Variants in NOP58 observed in about 807,000 individuals in gnomAD.
The protein encoded by NOP58 is nucleolar protein 58.
In NOP58, 44 loss-of-function variants were observed where a neutral mutation model predicts 71.2. That is an observed-to-expected ratio of 0.62 (90% CI 0.49 to 0.79). The LOEUF (loss-of-function observed/expected upper bound fraction) is 0.79, where lower values mean the gene tolerates loss of function less well. NOP58 is among the 30% of genes least tolerant of loss of function. The pLI is 0.00. For missense variants in NOP58, 538 were observed against 620.2 expected (o/e 0.87, Z 1.41); for synonymous variants, 228 against 200.3 (o/e 1.14, Z -1.17).
chr2:202,276,279 G>T (rs1362394034), intron 2 of NOP58, among the ~76,000 whole-genome samples: 2 of 151,354 alleles, frequency 1.3e-5, no homozygotes, highest in Non-Finnish European at 2.9e-5. Flanking sequence ...GGCGGAAGTT[G>T]CAGTGAGCCG....
chr2:202,297,173 T>A (rs1689007903), intron 10 of NOP58, among the ~76,000 whole-genome samples: 1 of 152,210 alleles, frequency 6.6e-6, no homozygotes, highest in Admixed American at 6.5e-5. Context: ...AGCTAATATT[T>A]GACATGAATT....
chr2:202,302,953 G>A lies in NOP58; in HGVS notation c.1435G>A (p.Glu479Lys). 1 of 1,607,350 alleles carries A rather than the reference G, an allele frequency of 6.2e-7. No homozygotes were observed. Among genetic ancestry groups the A allele is most frequent in the Non-Finnish European group, 8.5e-7 (1 of 1,178,872 alleles). The change falls in exon 14 of 15, where the codon GAA becomes AAA. Residue 479 changes from glutamate to lysine, a missense_variant. Coordinates refer to ENST00000264279, the MANE Select transcript of NOP58 (RefSeq NM_015934.5). ...EEEEEEKVAEEEETSVKKKKK... is the reference protein window; with the variant it reads ...EEEEEEKVAEKEETSVKKKKK... Reference sequence around the variant, plus strand: ...AGAGGAAGAAGAAAAAGTGGCAGAAGAAGAAGAAACATCTGTGAAGAAGAA... The same window carrying A: ...AGAGGAAGAAGAAAAAGTGGCAGAAAAAGAAGAAACATCTGTGAAGAAGAA...
At chr2:202,274,249 G>C (rs1396885313) in intron 1 of NOP58, among the ~76,000 whole-genome samples, 2 of 151,898 alleles carry the variant, frequency 1.3e-5, no homozygotes, top group Non-Finnish European at 2.9e-5. Context: ...TTTTGAGATG[G>C]AGTTTTTTGC....
intron 1 of NOP58, among the ~76,000 whole-genome samples, chr2:202,272,075 G>T (rs528149235): frequency 6.6e-6 from 1 of 151,648 alleles, no homozygotes; most frequent in South Asian, 2.1e-4. Flanking sequence ...TTCAGTAAGA[G>T]AAACACAATG....
In NOP58 at chr2:202,303,470, A is replaced by G. The variant is rs1384019520; in HGVS notation, c.*34A>G. 6.3e-7 allele frequency: 1 copy of G among 1,589,990 alleles called. No individual in the cohort carries two copies. Among genetic ancestry groups the G allele is most frequent in the African/African-American group, 1.3e-5 (1 of 74,410 alleles). ...AATTACGATTATATCACCCGGACAC[A>G]CATCATGCTTAAGATTCAACTGGGA... On this transcript the variant is annotated 3_prime_UTR_variant, in exon 15 of 15. Coordinates refer to ENST00000264279, the MANE Select transcript of NOP58 (RefSeq NM_015934.5).
chr2:202,289,482 A>G (rs1324993993), intron 6 of NOP58, among the ~76,000 whole-genome samples: 4 of 152,230 alleles, frequency 2.6e-5, no homozygotes, highest in Non-Finnish European at 5.9e-5. Flanking sequence ...TATATAAGGT[A>G]TATGTGAAAT....
rs927862976 is a variant in NOP58, at chr2:202,302,911, C to T, written c.1403-10C>T. On this transcript the variant is annotated splice_polypyrimidine_tract_variant and intron_variant, in intron 13 of 14. Transcript: ENST00000264279. ...TTAATTTGTTGTGCCTTTACACTTACCCTATTCAGTTGAAGAAGAGGAAGA... is the reference window on the plus strand; with the variant it reads ...TTAATTTGTTGTGCCTTTACACTTATCCTATTCAGTTGAAGAAGAGGAAGA... 1.2e-6 allele frequency: 2 copies of T among 1,600,154 alleles called. No homozygotes were observed. The highest frequency in any genetic ancestry group is 8.5e-7 in the Non-Finnish European group (1 of 1,178,686).
chr2:202,295,911 T>G (rs1688979834), intron 10 of NOP58, 74 bp downstream of exon 10: 7 of 1,138,130 alleles, frequency 6.2e-6, no homozygotes, highest in Non-Finnish European at 8.4e-6. Context: ...TCTTCTACTC[T>G]GTAGTACACA....
intron 1 of NOP58, 106 bp downstream of exon 1, chr2:202,266,092 A>T (rs1688409717): frequency 7.6e-7 from 1 of 1,324,308 alleles, no homozygotes; most frequent in South Asian, 1.2e-5. Flanking sequence ...GGTGCCTGTT[A>T]TAGCCCGGGC....
chr2:202,283,075 T>G (rs898124848), intron 4 of NOP58, among the ~76,000 whole-genome samples: 7 of 152,078 alleles, frequency 4.6e-5, no homozygotes, highest in Non-Finnish European at 7.4e-5. Flanking sequence ...TAACCGGGTG[T>G]GGTGGCAGGC....
intron 1 of NOP58, among the ~76,000 whole-genome samples, chr2:202,266,850 G>A (rs1350203716): frequency 1.3e-5 from 2 of 152,332 alleles, no homozygotes; most frequent in South Asian, 2.1e-4. Context: ...TAAATAAGAT[G>A]TTAAGAAAGT....
chr2:202,278,240 G>A, intron 3 of NOP58: 1 of 603,994 alleles, frequency 1.7e-6, no homozygotes, highest in Non-Finnish European at 3.2e-6. Flanking sequence ...GTGAGGAGAG[G>A]TGAGAAGTGG....
chr2:202,291,543 A>C, intron 8 of NOP58: 1 of 230,368 alleles, frequency 4.3e-6, no homozygotes, highest in Non-Finnish European at 8.5e-6. Context: ...GCGTTGGCTC[A>C]CGCCTGTAAT....
At chr2:202,299,926 C>T (rs983271587) in intron 12 of NOP58, 2 of 182,816 alleles carry the variant, frequency 1.1e-5, no homozygotes, top group African/African-American at 2.4e-5. Flanking sequence ...GGTGTGAAGA[C>T]GTTTTCTCCT....
chr2:202,282,818 T>C (rs1688727478), intron 4 of NOP58, among the ~76,000 whole-genome samples: 1 of 152,160 alleles, frequency 6.6e-6, no homozygotes, highest in African/African-American at 2.4e-5. Flanking sequence ...TAGAAATATA[T>C]TTATTAGAAA....
intron 1 of NOP58, among the ~76,000 whole-genome samples, chr2:202,270,703 T>C (rs1292375303): frequency 2.0e-5 from 3 of 152,070 alleles, no homozygotes; most frequent in Non-Finnish European, 4.4e-5. Context: ...TGAGCTGTGA[T>C]TGAGCCTCTG....
chr2:202,291,328 T>C (rs1040622268), intron 8 of NOP58, 58 bp downstream of exon 8: 15 of 1,329,486 alleles, frequency 1.1e-5, no homozygotes, highest in Non-Finnish European at 1.5e-5. Flanking sequence ...AGTACTAATT[T>C]TTCTGATGGC....
chr2:202,299,376 T>G (rs1169115878), intron 12 of NOP58, among the ~76,000 whole-genome samples: 1 of 152,198 alleles, frequency 6.6e-6, no homozygotes, highest in Non-Finnish European at 1.5e-5. Context: ...TGGAAAGAAA[T>G]CAAATGTGTT....
chr2:202,297,511 G>A lies in NOP58; in HGVS notation c.1204G>A (p.Gly402Arg). 1.2e-6 allele frequency: 2 copies of A among 1,613,614 alleles called. No individual in the cohort carries two copies. The highest frequency in any genetic ancestry group is 2.2e-5 in the South Asian group (2 of 90,974). Residue 402 changes from glycine (G) to arginine (R), a missense_variant and splice_region_variant, in exon 11 of 15, where the codon GGG becomes AGG. By Grantham distance (125) the Gly-to-Arg change is moderately radical. Transcript: ENST00000264279. ...CAGGTTGAGAACTTTGGAAGACAGAGGGGTAAGAACTACATCATGCCTATT... is the reference window on the plus strand; with the variant it reads ...CAGGTTGAGAACTTTGGAAGACAGAAGGGTAAGAACTACATCATGCCTATT... The part of the protein sequence containing the change: ...EARLRTLEDR[G>R]IRKISGTGKA...
Sources: gnomAD v4.1 joint callset for allele counts (sites outside exome capture counted in the v4.1 genomes callset) on GRCh38, gnomAD v4.1.1 for gene constraint, MANE v1.5 for transcripts, NCBI Gene and HGNC (gene_info 2026-07-23, HGNC 2026-07-21) for gene names.